Variants in OSBP2 observed in about 807,000 individuals in gnomAD.
OSBP2 encodes the protein oxysterol binding protein 2, also known as oxysterol-binding protein 2.
A neutral mutation model predicts 96.0 loss-of-function variants in OSBP2; 66 were observed. The ratio of observed to expected loss-of-function variants is 0.69; its 90% CI spans 0.56 to 0.84. The LOEUF (loss-of-function observed/expected upper bound fraction) is 0.84, where lower values mean the gene tolerates loss of function less well. OSBP2 is among the 40% of genes least tolerant of loss of function. The pLI is 0.00. For synonymous variants in OSBP2, 525 were observed against 520.9 expected (o/e 1.01, Z -0.11); for missense variants, 1,038 against 1,222.7 (o/e 0.85, Z 2.25).
At chr22:30,727,228 A>G (rs1228989486) in intron 1 of OSBP2, among the ~76,000 whole-genome samples, 1 of 152,174 alleles carries the variant, frequency 6.6e-6, no homozygotes, top group African/African-American at 2.4e-5. Flanking sequence ...CCTTCCGCCT[A>G]GGAGGCTCCT....
At position 30,881,140 on chromosome 22, in the gene OSBP2, C is replaced by G. The variant is rs1483591932; in HGVS notation, c.1108-6286C>G. Reference sequence around the variant, plus strand: ...CTGCCCAGGGGCTCTGCACCCCAGGCCGGCCCCTCTGCATCTCAGAGCACC... The same window carrying G: ...CTGCCCAGGGGCTCTGCACCCCAGGGCGGCCCCTCTGCATCTCAGAGCACC... On this transcript the variant is annotated intron_variant, in intron 3 of 13. Coordinates refer to ENST00000332585, the MANE Select transcript of OSBP2 (RefSeq NM_030758.4). The surrounding 1 kb of genome is among the most constrained non-coding windows in gnomAD (Gnocchi z 4.5). 6.6e-6 allele frequency among the ~76,000 whole-genome samples: 1 copy of G among 152,210 alleles called. No homozygotes were observed. The highest frequency in any genetic ancestry group is 2.4e-5 in the African/African-American group (1 of 41,450).
chr22:30,888,104 CTG>C lies in OSBP2; in HGVS notation c.1301-118_1301-117del, dbSNP rs960499729. On this transcript the variant is annotated intron_variant, in intron 4 of 13. Coordinates refer to ENST00000332585, the MANE Select transcript of OSBP2 (RefSeq NM_030758.4). ...CAGGGAATCAGGGCTGCCCAGGTGA[CTG>C]AAGCAGGAGGGGAGTGAGGCCAGAT... 5.6e-6 allele frequency: 4 copies of C among 713,946 alleles called. No individual in the cohort carries two copies. The African/African-American group carries it at 7.0e-5, about 13-fold the overall frequency. 44.2% of individuals were successfully genotyped at this position (713,946 alleles called of 1,614,324 possible).
At chr22:30,901,602 C>T (rs776219846) in intron 12 of OSBP2, among the ~76,000 whole-genome samples, 10 of 152,210 alleles carry the variant, frequency 6.6e-5, no homozygotes, top group African/African-American at 7.2e-5. Context: ...TGGTGGCTCA[C>T]GCCTGTAATC....
At chr22:30,830,298 G>A (rs993482782) in intron 2 of OSBP2, among the ~76,000 whole-genome samples, 2 of 152,174 alleles carry the variant, frequency 1.3e-5, no homozygotes, top group Non-Finnish European at 2.9e-5. Context: ...GATTCCTGAC[G>A]CATATCTTCA....
chr22:30,703,098 T>C (rs909928814), intron 1 of OSBP2, among the ~76,000 whole-genome samples: 1 of 151,930 alleles, frequency 6.6e-6, no homozygotes, highest in African/African-American at 2.4e-5. Context: ...AAAGCAACAG[T>C]GGGAATGTGG....
Position 30,795,671 on chromosome 22 carries a change from CA to C in OSBP2, c.853+54303del, listed in dbSNP as rs200939223. On this transcript the variant is annotated intron_variant, in intron 2 of 13. Transcript: ENST00000332585. ...AGTAGCTGGGATTACAGGCATGCGCCACCACGCCCAGCTAATTTTGTATTTT... is the reference window on the plus strand; with the variant it reads ...AGTAGCTGGGATTACAGGCATGCGCCCCACGCCCAGCTAATTTTGTATTTT... 5.5e-4 allele frequency among the ~76,000 whole-genome samples: 83 copies of C among 152,224 alleles called. 1 individual carries two copies. The East Asian group carries it at 0.015, about 28-fold the overall frequency.
At chr22:30,888,554 CCT>C (rs1438026015) in intron 5 of OSBP2, among the ~76,000 whole-genome samples, 1 of 152,082 alleles carries the variant, frequency 6.6e-6, no homozygotes, top group African/African-American at 2.4e-5. Context: ...ATGGCGAAAC[CCT>C]GTCTCTACAA....
At chr22:30,754,693 G>T (rs5749161) in intron 2 of OSBP2, among the ~76,000 whole-genome samples, 77,829 of 151,936 alleles carry the variant, frequency 0.51, 20,154 homozygotes, top group East Asian at 0.59. Flanking sequence ...GTGCTGTGCT[G>T]TCCTGCCCCG....
At chr22:30,764,229 C>G in intron 2 of OSBP2, 2 of 985,160 alleles carry the variant, frequency 2.0e-6, no homozygotes, top group Non-Finnish European at 2.4e-6. Context: ...TGGAATTATC[C>G]CAGGCAGCCC....
At chr22:30,744,396 G>A (rs777822198) in intron 2 of OSBP2, among the ~76,000 whole-genome samples, 5 of 152,116 alleles carry the variant, frequency 3.3e-5, no homozygotes, top group Admixed American at 2.0e-4. Flanking sequence ...GGGTTATCCC[G>A]GGGCCTGTTT....
intron 2 of OSBP2, among the ~76,000 whole-genome samples, chr22:30,847,543 G>A (rs2038894826): frequency 6.6e-6 from 1 of 152,176 alleles, no homozygotes; most frequent in Non-Finnish European, 1.5e-5. Context: ...GCTTCCCAAA[G>A]TGCTGAGATT....
chr22:30,711,739 C>CAA (rs34152986), intron 1 of OSBP2, among the ~76,000 whole-genome samples: 63 of 91,800 alleles, frequency 6.9e-4, no homozygotes, highest in South Asian at 3.0e-3. Context: ...GACCCTATCT[C>CAA]AAAAAAAAAA....
chr22:30,882,110 G>C (rs2039715758), intron 3 of OSBP2, among the ~76,000 whole-genome samples: 1 of 152,214 alleles, frequency 6.6e-6, no homozygotes, highest in Non-Finnish European at 1.5e-5. Flanking sequence ...CACGGCCAGT[G>C]TATCAGCCAG....
At chr22:30,787,409 A>G (rs2090607325) in intron 2 of OSBP2, among the ~76,000 whole-genome samples, 1 of 152,090 alleles carries the variant, frequency 6.6e-6, no homozygotes, top group South Asian at 2.1e-4. Flanking sequence ...GCGGTGGCTC[A>G]CGACTGTAAT....
chr22:30,838,690 C>T (rs911330565), intron 2 of OSBP2, among the ~76,000 whole-genome samples: 1 of 151,924 alleles, frequency 6.6e-6, no homozygotes, highest in African/African-American at 2.4e-5. Context: ...TTTAATTTTG[C>T]CCAGTGCTTT....
At chr22:30,876,662 A>G (rs1420215332) in intron 3 of OSBP2, among the ~76,000 whole-genome samples, 2 of 152,170 alleles carry the variant, frequency 1.3e-5, no homozygotes, top group African/African-American at 4.8e-5. Flanking sequence ...GGACTGGGCT[A>G]TGAGGGGCTG....
At chr22:30,904,056 G>A (rs186717041) in intron 12 of OSBP2, among the ~76,000 whole-genome samples, 2 of 152,302 alleles carry the variant, frequency 1.3e-5, no homozygotes, top group South Asian at 2.1e-4. Flanking sequence ...TTGAACGCCC[G>A]CGTGTGAACA....
At chr22:30,781,076 A>G (rs959920364) in intron 2 of OSBP2, among the ~76,000 whole-genome samples, 2 of 151,618 alleles carry the variant, frequency 1.3e-5, no homozygotes, top group Admixed American at 1.3e-4. Context: ...CCCGGGTTCA[A>G]GCAATTCTCC....
intron 1 of OSBP2, among the ~76,000 whole-genome samples, chr22:30,734,074 A>C (rs2089817842): frequency 6.6e-6 from 1 of 152,124 alleles, no homozygotes; most frequent in Non-Finnish European, 1.5e-5. Context: ...TCTTGGGTTC[A>C]AACGACTCTC....
Sources: gnomAD v4.1 joint callset for allele counts (sites outside exome capture counted in the v4.1 genomes callset) on GRCh38, gnomAD v4.1.1 for gene constraint, Gnocchi (gnomAD v3.1) non-coding constraint, MANE v1.5 for transcripts, NCBI Gene and HGNC (gene_info 2026-07-23, HGNC 2026-07-21) for gene names.